The following SLIT3 variants were observed in gnomAD, a reference collection of about 807,000 sequenced individuals.
The protein encoded by SLIT3 is slit guidance ligand 3.
In SLIT3, 68 loss-of-function variants were observed where a neutral mutation model predicts 184.0. The observed-to-expected ratio is 0.37, with a 90% CI of 0.30 to 0.45. The LOEUF (loss-of-function observed/expected upper bound fraction) is 0.45. Among genes scored for constraint, SLIT3 ranks in the 20% least tolerant of loss-of-function variants. The pLI is 1.00. For missense variants in SLIT3, 1,707 were observed against 2,026.0 expected, an observed-to-expected ratio of 0.84 and a Z score of 3.02; for synonymous variants, 831 against 828.6, an observed-to-expected ratio of 1.00 and a Z score of -0.05.
chr5:168,824,280 T>A (rs1757631245), intron 6 of SLIT3, among the ~76,000 whole-genome samples: 1 of 152,182 alleles, frequency 6.6e-6, no homozygotes, highest in Non-Finnish European at 1.5e-5. Context: ...GCTCTGCGCA[T>A]CTCTTCTTTC....
At chr5:169,137,301 T>TACAC (rs1394666869) in intron 4 of SLIT3, among the ~76,000 whole-genome samples, 1 of 141,342 alleles carries the variant, frequency 7.1e-6, no homozygotes, top group African/African-American at 2.9e-5. Context: ...TCTTTCTATC[T>TACAC]ACATACACAC....
At chr5:168,717,010 C>T (rs2113349001) in intron 23 of SLIT3, among the ~76,000 whole-genome samples, 1 of 136,792 alleles carries the variant, frequency 7.3e-6, no homozygotes, top group East Asian at 2.1e-4. Context: ...GTGCATATGC[C>T]TTTCCTGACT....
chr5:168,882,410 T>C (rs1011639381), intron 5 of SLIT3, among the ~76,000 whole-genome samples: 6 of 152,196 alleles, frequency 3.9e-5, no homozygotes, highest in Middle Eastern at 3.4e-3. Context: ...TCGTCAAAGT[T>C]CAAAAATGTC....
At chr5:169,120,272 T>C (rs1760830908) in intron 4 of SLIT3, 1 of 152,166 alleles carries the variant, frequency 6.6e-6, no homozygotes, top group African/African-American at 2.4e-5. Context: ...TTCCTCATAA[T>C]AGTTGCTCCA....
At chr5:168,844,896 A>ATT (rs34420406) in intron 5 of SLIT3, 2,998 of 230,054 alleles carry the variant, frequency 0.013, 8 homozygotes, top group South Asian at 0.021. Context: ...TTAATTGCGC[A>ATT]TTTTTTTTTT....
chr5:169,239,870 T>C (rs1765335276), intron 3 of SLIT3, among the ~76,000 whole-genome samples: 1 of 152,090 alleles, frequency 6.6e-6, no homozygotes. Flanking sequence ...AAATAGATAC[T>C]ATACATAATA....
At chr5:169,264,778 G>A (rs536128105) in intron 1 of SLIT3, among the ~76,000 whole-genome samples, 16 of 152,222 alleles carry the variant, frequency 1.1e-4, no homozygotes, top group Middle Eastern at 3.4e-3. Context: ...TTTGCACTTC[G>A]TTCTCATCTG....
chr5:169,001,729 T>G (rs1237201726), intron 4 of SLIT3, among the ~76,000 whole-genome samples: 2 of 152,200 alleles, frequency 1.3e-5, no homozygotes, highest in East Asian at 3.9e-4. Flanking sequence ...TTTCAGTGAT[T>G]AATCTCAAAC....
chr5:169,236,705 C>A (rs1357620334), intron 3 of SLIT3, among the ~76,000 whole-genome samples: 1 of 152,136 alleles, frequency 6.6e-6, no homozygotes, highest in African/African-American at 2.4e-5. Flanking sequence ...CTCCTGATCT[C>A]ATGATCCACC....
At chr5:169,077,574 A>G (rs1216640724) in intron 4 of SLIT3, among the ~76,000 whole-genome samples, 1 of 151,880 alleles carries the variant, frequency 6.6e-6, no homozygotes, top group Admixed American at 6.6e-5. Context: ...AAACAGTAAT[A>G]CATATAAAAT....
intron 6 of SLIT3, among the ~76,000 whole-genome samples, chr5:168,830,774 T>C (rs1311728217): frequency 6.6e-6 from 1 of 152,058 alleles, no homozygotes; most frequent in Non-Finnish European, 1.5e-5. Flanking sequence ...AGCCCAGAGG[T>C]GTGACACCAG....
chr5:168,745,790 TGAA>T (rs1763780184), intron 20 of SLIT3, among the ~76,000 whole-genome samples: 1 of 119,442 alleles, frequency 8.4e-6, no homozygotes, highest in Non-Finnish European at 1.7e-5. Flanking sequence ...AAATCTTTCA[TGAA>T]GAAGACTCCA....
intron 4 of SLIT3, among the ~76,000 whole-genome samples, chr5:169,076,103 G>T (rs1010945963): frequency 2.0e-5 from 3 of 152,214 alleles, no homozygotes; most frequent in East Asian, 1.9e-4. Context: ...GGACCCTCAG[G>T]GGGGTTTCAT....
intron 14 of SLIT3, among the ~76,000 whole-genome samples, chr5:168,771,986 A>AT (rs76506979): frequency 0.13 from 19,866 of 151,978 alleles, 1,642 homozygotes; most frequent in African/African-American, 0.23. Context: ...CAGTTTGGTG[A>AT]TTTTTTTTCC....
At chr5:168,728,277 C>CATATATATATATATATATATATAT (rs3061738) in intron 20 of SLIT3, among the ~76,000 whole-genome samples, 10 of 141,006 alleles carry the variant, frequency 7.1e-5, no homozygotes, top group African/African-American at 2.3e-4. Context: ...TAATCAACAA[C>CATATATATATATATATATATATAT]ATATATATAT....
At chr5:169,170,505 G>A (rs1762781993) in intron 4 of SLIT3, among the ~76,000 whole-genome samples, 1 of 152,066 alleles carries the variant, frequency 6.6e-6, no homozygotes, top group Non-Finnish European at 1.5e-5. Flanking sequence ...GAATGAAGAC[G>A]GTTTTGTCCC....
At chr5:168,920,903 C>A (rs1761615898) in intron 4 of SLIT3, among the ~76,000 whole-genome samples, 1 of 152,082 alleles carries the variant, frequency 6.6e-6, no homozygotes, top group African/African-American at 2.4e-5. Context: ...GCATAAATAC[C>A]CACCACACAT....
intron 4 of SLIT3, among the ~76,000 whole-genome samples, chr5:169,113,650 T>A (rs1386758962): frequency 6.7e-6 from 1 of 149,214 alleles, no homozygotes; most frequent in Non-Finnish European, 1.5e-5. Context: ...TGCCTTTTTT[T>A]TCTTTTTCTT....
At chr5:169,210,191 G>A (rs1336037509) in intron 3 of SLIT3, among the ~76,000 whole-genome samples, 4 of 152,120 alleles carry the variant, frequency 2.6e-5, no homozygotes, top group Non-Finnish European at 4.4e-5. Context: ...CCCAGGCAAC[G>A]GACATAGAGA....
Sources: gnomAD v4.1 joint callset for allele counts (sites outside exome capture counted in the v4.1 genomes callset) on GRCh38, gnomAD v4.1.1 for gene constraint, MANE v1.5 for transcripts, NCBI Gene and HGNC (gene_info 2026-07-23, HGNC 2026-07-21) for gene names.